Variants in GLRB observed in about 807,000 individuals in gnomAD.
GLRB encodes the protein glycine receptor subunit beta.
In GLRB, 33 loss-of-function variants were observed where a neutral mutation model predicts 54.2. The observed-to-expected ratio is 0.61, with a 90% CI of 0.46 to 0.81. The LOEUF is 0.81. GLRB is among the 40% of genes least tolerant of loss of function. The pLI is 0.00. For synonymous variants in GLRB, 209 were observed against 208.2 expected, an observed-to-expected ratio of 1.00 and a Z score of -0.03; for missense variants, 572 against 584.6, an observed-to-expected ratio of 0.98 and a Z score of 0.22.
Position 157,170,619 on chromosome 4 carries a change from C to A in GLRB, c.1385C>A (p.Ala462Glu), listed in dbSNP as rs148031091. Reference protein sequence around the residue: ...QAKNNKKPPPAKPVIPTAAKR... With the variant: ...QAKNNKKPPPEKPVIPTAAKR... ...AAGAACAACAAGAAGCCTCCCCCTG[C>A]GAAACCTGTTATTCCAACAGCAGCA... The change falls in exon 10 of 10, where the codon GCG (alanine) becomes GAG (glutamate). Residue 462 changes from alanine (A) to glutamate (E), a missense_variant. Transcript: ENST00000264428. 1.2e-6 allele frequency: 2 copies of A among 1,612,534 alleles called. No individual in the cohort carries two copies. The highest frequency in any genetic ancestry group is 1.7e-6 in the Non-Finnish European group (2 of 1,178,788).
At chr4:157,118,877 G>A (rs981940084) in intron 2 of GLRB, among the ~76,000 whole-genome samples, 1 of 151,530 alleles carries the variant, frequency 6.6e-6, no homozygotes, top group Non-Finnish European at 1.5e-5. Flanking sequence ...AGAAAAGGCT[G>A]TGCTAGGTGC....
At chr4:157,116,375 A>T (rs1319085027) in intron 2 of GLRB, among the ~76,000 whole-genome samples, 1 of 151,778 alleles carries the variant, frequency 6.6e-6, no homozygotes, top group East Asian at 1.9e-4. Flanking sequence ...ATATATTGGA[A>T]TTGTTGATAG....
chr4:157,161,233 T>A (rs1205912986), intron 9 of GLRB, among the ~76,000 whole-genome samples: 3 of 152,234 alleles, frequency 2.0e-5, no homozygotes, highest in Admixed American at 2.0e-4. Flanking sequence ...TCTCTGCACA[T>A]GAGATGGGTC....
chr4:157,128,717 A>G (rs1380916092), intron 4 of GLRB, among the ~76,000 whole-genome samples: 1 of 151,846 alleles, frequency 6.6e-6, no homozygotes, highest in East Asian at 1.9e-4. Context: ...ATCTTTAATT[A>G]TAAACCTTGA....
Position 157,152,796 on chromosome 4 carries a change from C to T in GLRB, c.983C>T (p.Ala328Val). The change falls in exon 9 of 10, where the codon GCT becomes GTT. Residue 328 changes from alanine to valine, a missense_variant. Ala to Val is a moderately conservative substitution (Grantham distance 64). Transcript: ENST00000264428. Reference sequence around the variant, plus strand: ...CTTCCCAAAGTTTCCTATGTGAAGGCTCTTGATGTTTGGCTTATTGCTTGC... The same window carrying T: ...CTTCCCAAAGTTTCCTATGTGAAGGTTCTTGATGTTTGGCTTATTGCTTGC... ...AELPKVSYVKALDVWLIACLL... is the reference protein window; with the variant it reads ...AELPKVSYVKVLDVWLIACLL... 1 of 1,613,778 alleles carries T rather than the reference C, an allele frequency of 6.2e-7. No individual in the cohort carries two copies. The highest frequency in any genetic ancestry group is 8.5e-7 in the Non-Finnish European group (1 of 1,179,736).
rs566995272 is a variant in GLRB, at chr4:157,081,377, T to C, written c.122+3231T>C. 5.9e-5 allele frequency among the ~76,000 whole-genome samples: 9 copies of C among 152,180 alleles called. No homozygotes were observed. The South Asian group carries it at 8.3e-4, about 14-fold the overall frequency. On this transcript the variant is annotated intron_variant, in intron 2 of 9. Coordinates refer to ENST00000264428, the MANE Select transcript of GLRB (RefSeq NM_000824.5). ...GTACAGCTCAGATCTCTCTAAAGAG[T>C]GCCACACCCATACATCCACCATTTC... is the stretch of plus-strand genomic sequence containing the variant.
Position 157,170,812 on chromosome 4 carries a change from G to T in GLRB, c.*84G>T. On this transcript the variant is annotated 3_prime_UTR_variant, in exon 10 of 10. Coordinates refer to ENST00000264428, the MANE Select transcript of GLRB (RefSeq NM_000824.5). ...TAAATGCCAATCTGTGAGAACTTTT[G>T]AATTTTCATAGCAACATTGCATTTT... is the stretch of plus-strand genomic sequence containing the variant. 1.3e-6 allele frequency: 1 copy of T among 756,022 alleles called. No individual in the cohort carries two copies. The highest frequency in any genetic ancestry group is 2.7e-5 in the East Asian group (1 of 37,074). 46.8% of individuals were successfully genotyped at this position (756,022 alleles called of 1,614,324 possible).
chr4:157,159,148 A>G (rs1229720027), intron 9 of GLRB, among the ~76,000 whole-genome samples: 4 of 152,122 alleles, frequency 2.6e-5, no homozygotes, highest in Non-Finnish European at 5.9e-5. Context: ...TTATTGGTGT[A>G]TAGGAATGCT....
Position 157,118,866 on chromosome 4 carries a change from C to A in GLRB, c.123-1690C>A, listed in dbSNP as rs559939110. 2.0e-5 allele frequency among the ~76,000 whole-genome samples: 3 copies of A among 151,582 alleles called. No individual in the cohort carries two copies. The South Asian group carries it at 6.2e-4, about 31-fold the overall frequency. ...ACTGAGACTTTTTACCATATCAACA[C>A]AGAAAAGGCTGTGCTAGGTGCTTCA... On this transcript the variant is annotated intron_variant, in intron 2 of 9. Transcript: ENST00000264428.
In GLRB at chr4:157,077,114, G is replaced by C. The variant is rs2343766; in HGVS notation, c.-30+817G>C. On this transcript the variant is annotated intron_variant, in intron 1 of 9. Transcript: ENST00000264428. ...ATGAAAGAGAAACAATTTATGGTTT[G>C]GAAATGAAGGTTGCAGAAGAGTTTG... Among the ~76,000 whole-genome samples the C allele has an allele frequency of 6.2e-3, 943 of 152,118 alleles. 22 individuals are homozygous for C. The East Asian group carries it at 0.1, about 16-fold the overall frequency.
intron 2 of GLRB, among the ~76,000 whole-genome samples, chr4:157,118,869 A>G (rs1433625135): frequency 2.6e-5 from 4 of 151,598 alleles, no homozygotes; most frequent in African/African-American, 9.7e-5. Context: ...ATCAACACAG[A>G]AAAGGCTGTG....
At chr4:157,152,657 T>C (rs200083806) in intron 8 of GLRB, 61 bp from the exon 9 acceptor site, 1 of 1,296,446 alleles carries the variant, frequency 7.7e-7, no homozygotes, top group Non-Finnish European at 1.1e-6. Context: ...CAAAGAGTAA[T>C]GACCCCAGAA....
chr4:157,165,625 C>T (rs1401117244), intron 9 of GLRB, among the ~76,000 whole-genome samples: 5 of 151,872 alleles, frequency 3.3e-5, no homozygotes, highest in Admixed American at 1.3e-4. Flanking sequence ...ATATAATTGT[C>T]TGGAGGATTT....
chr4:157,154,164 G>A (rs1053265573), intron 9 of GLRB, among the ~76,000 whole-genome samples: 5 of 152,016 alleles, frequency 3.3e-5, no homozygotes, highest in African/African-American at 1.2e-4. Context: ...CACTATCTTG[G>A]CCTTAAAGAT....
At chr4:157,119,072 C>T (rs1560952675) in intron 2 of GLRB, among the ~76,000 whole-genome samples, 1 of 151,696 alleles carries the variant, frequency 6.6e-6, no homozygotes, top group East Asian at 1.9e-4. Context: ...TCTTAAGCAA[C>T]CACCAATTTT....
chr4:157,157,254 T>A (rs1243282742), intron 9 of GLRB, among the ~76,000 whole-genome samples: 1 of 152,160 alleles, frequency 6.6e-6, no homozygotes, highest in Non-Finnish European at 1.5e-5. Flanking sequence ...ATGGCAGGGA[T>A]CAGGGCCTTG....
At chr4:157,140,901 T>C (rs1736581714) in intron 7 of GLRB, among the ~76,000 whole-genome samples, 2 of 152,060 alleles carry the variant, frequency 1.3e-5, no homozygotes, top group African/African-American at 4.8e-5. Flanking sequence ...TGTAATAGCA[T>C]ATGATTATAT....
intron 2 of GLRB, among the ~76,000 whole-genome samples, chr4:157,106,421 A>G (rs1282111231): frequency 6.6e-6 from 1 of 152,116 alleles, no homozygotes; most frequent in East Asian, 1.9e-4. Context: ...GAGCTCGTAA[A>G]GCATTACCTT....
intron 2 of GLRB, among the ~76,000 whole-genome samples, chr4:157,093,048 C>T (rs1335939906): frequency 6.6e-6 from 1 of 152,148 alleles, no homozygotes; most frequent in Non-Finnish European, 1.5e-5. Context: ...ATTACCCTCT[C>T]CAGTGGGAAC....
Sources: gnomAD v4.1 joint callset for allele counts (sites outside exome capture counted in the v4.1 genomes callset) on GRCh38, gnomAD v4.1.1 for gene constraint, MANE v1.5 for transcripts, NCBI Gene and HGNC (gene_info 2026-07-23, HGNC 2026-07-21) for gene names.